KAT6A: variants seen among roughly 807,000 people sequenced by gnomAD.
KAT6A encodes the protein lysine acetyltransferase 6A, also known as histone acetyltransferase KAT6A.
Under a neutral mutation model 198.4 loss-of-function variants are expected in KAT6A, and 9 were observed. The ratio of observed to expected loss-of-function variants is 0.05; its 90% CI spans 0.03 to 0.08. The LOEUF is 0.08. Among genes scored for constraint, KAT6A ranks in the 10% least tolerant of loss-of-function variants. KAT6A has a pLI of 1.00. For missense variants in KAT6A, 2,077 were observed against 2,509.9 expected (o/e 0.83, Z 3.69); for synonymous variants, 890 against 883.0 (o/e 1.01, Z -0.14).
chr8:41,963,301 T>A (rs903248042), intron 8 of KAT6A, among the ~76,000 whole-genome samples: 2 of 152,206 alleles, frequency 1.3e-5, no homozygotes, highest in African/African-American at 4.8e-5. Flanking sequence ...TATATACATG[T>A]ACACAACCAT....
intron 8 of KAT6A, among the ~76,000 whole-genome samples, chr8:41,964,215 C>T (rs1319297699): frequency 1.3e-5 from 2 of 152,118 alleles, no homozygotes; most frequent in African/African-American, 4.8e-5. Context: ...AACAATCCTT[C>T]TAATGTTTCC....
chr8:41,974,882 A>AAAATTTCAGGTCAT, intron 7 of KAT6A, 60 bp from the exon 8 acceptor site: 3 of 1,006,378 alleles, frequency 3.0e-6, no homozygotes, highest in Non-Finnish European at 4.5e-6. Flanking sequence ...TGAACTAGAA[A>AAAATTTCAGGTCAT]AAATTTCAGG....
chr8:41,968,505 G>T (rs1295101068), intron 8 of KAT6A, among the ~76,000 whole-genome samples: 5 of 152,130 alleles, frequency 3.3e-5, no homozygotes, highest in African/African-American at 9.7e-5. Flanking sequence ...GGAGAAATAG[G>T]AACACTTTTA....
intron 2 of KAT6A, among the ~76,000 whole-genome samples, chr8:41,998,917 T>C (rs1443746175): frequency 2.0e-5 from 3 of 152,168 alleles, no homozygotes; most frequent in African/African-American, 2.4e-5. Flanking sequence ...TAACTTTCTA[T>C]AATTTTAATC....
At chr8:42,002,838 C>T (rs939185426) in intron 2 of KAT6A, among the ~76,000 whole-genome samples, 1 of 152,100 alleles carries the variant, frequency 6.6e-6, no homozygotes, top group African/African-American at 2.4e-5. Context: ...TACATCTTTA[C>T]TACTTTTTGG....
rs373027453 is a variant in KAT6A, at chr8:42,007,758, T to C, written c.601-20195A>G. On this transcript the variant is annotated intron_variant, in intron 2 of 16. Coordinates refer to ENST00000265713, the MANE Select transcript of KAT6A (RefSeq NM_006766.5). ...CGGGTGGATCACGAGGTCAGGAGAT[T>C]GAGAACACCCTGACTAACATGGTGA... 3.5e-4 allele frequency among the ~76,000 whole-genome samples: 53 copies of C among 151,922 alleles called. No individual in the cohort carries two copies. In the South Asian group the frequency reaches 0.011, roughly 31 times the overall value.
At chr8:41,994,447 G>A (rs972593042) in intron 2 of KAT6A, among the ~76,000 whole-genome samples, 4 of 151,946 alleles carry the variant, frequency 2.6e-5, no homozygotes, top group African/African-American at 9.7e-5. Context: ...GGTTTTCAAG[G>A]CAGTGGTTAC....
intron 2 of KAT6A, among the ~76,000 whole-genome samples, chr8:42,041,152 G>A (rs999369227): frequency 5.0e-5 from 7 of 139,604 alleles, no homozygotes; most frequent in African/African-American, 1.6e-4. Flanking sequence ...CCAAGGTTGC[G>A]CCACTGCACT....
Position 41,931,294 on chromosome 8 carries a change from C to G in KAT6A, c.*911G>C, listed in dbSNP as rs1332441809. 2 of 218,874 alleles carry G rather than the reference C, an allele frequency of 9.1e-6. No individual in the cohort carries two copies. Among genetic ancestry groups the G allele is most frequent in the African/African-American group, 2.3e-5 (1 of 44,418 alleles). 13.6% of individuals were successfully genotyped at this position (218,874 alleles called of 1,614,324 possible). On this transcript the variant is annotated 3_prime_UTR_variant, in exon 17 of 17. Transcript: ENST00000265713. ...GCGTGTGTGTGCGTTATGGCTGATT[C>G]ACCAGGTGGTAAAAAAACAAGAGGT...
In KAT6A at chr8:42,039,584, A is replaced by T. The variant is rs150422935; in HGVS notation, c.600+8794T>A. Reference sequence around the variant, plus strand: ...ATTTGCTCTCCTAGTATTAAACATAACAAAAAAGTATTGGCCCACAAGTCC... The same window carrying T: ...ATTTGCTCTCCTAGTATTAAACATATCAAAAAAGTATTGGCCCACAAGTCC... On this transcript the variant is annotated intron_variant, in intron 2 of 16. Coordinates refer to ENST00000265713, the MANE Select transcript of KAT6A (RefSeq NM_006766.5). 7.6e-4 allele frequency among the ~76,000 whole-genome samples: 116 copies of T among 152,358 alleles called. 1 individual carries two copies. The highest frequency in any genetic ancestry group is 3.4e-3 in the Middle Eastern group (1 of 294).
intron 15 of KAT6A, among the ~76,000 whole-genome samples, chr8:41,938,563 C>T (rs1472947778): frequency 1.3e-5 from 2 of 152,124 alleles, no homozygotes; most frequent in African/African-American, 4.8e-5. Context: ...ATGAAATATA[C>T]AAGATGAACT....
rs1170285848 is a variant in KAT6A at position 41,929,676 on chromosome 8, A to G, written c.*2529T>C. 1.5e-5 allele frequency: 3 copies of G among 194,274 alleles called. No individual in the cohort carries two copies. Among genetic ancestry groups the G allele is most frequent in the Admixed American group, 1.2e-4 (2 of 16,370 alleles). 12.0% of individuals were successfully genotyped at this position (194,274 alleles called of 1,614,324 possible). ...CCTTAGCTTACAAGTCACCATGAACAAAGTACAAAGAGGTTACAAAACAGG... is the reference window on the plus strand; with the variant it reads ...CCTTAGCTTACAAGTCACCATGAACGAAGTACAAAGAGGTTACAAAACAGG... On this transcript the variant is annotated 3_prime_UTR_variant, in exon 17 of 17. Coordinates refer to ENST00000265713, the MANE Select transcript of KAT6A (RefSeq NM_006766.5).
intron 2 of KAT6A, among the ~76,000 whole-genome samples, chr8:42,017,676 G>A (rs1425437563): frequency 6.6e-6 from 1 of 152,172 alleles, no homozygotes; most frequent in Non-Finnish European, 1.5e-5. Flanking sequence ...CATGGCAAGA[G>A]ATGAAGTTGC....
At chr8:41,977,571 T>C in intron 6 of KAT6A, 1 of 384,200 alleles carries the variant, frequency 2.6e-6, no homozygotes, top group Non-Finnish European at 4.6e-6. Context: ...GAAGACTTGT[T>C]CTAGTCATAA....
chr8:41,930,191 T>A lies in KAT6A; in HGVS notation c.*2014A>T, dbSNP rs1587702485. The stretch of plus-strand genomic sequence containing the variant: ...ACAGAAACTGATTTCACGGCCCTCA[T>A]TTCAACAGCTTCTCCTTCTGCCTTG... On this transcript the variant is annotated 3_prime_UTR_variant, in exon 17 of 17. Transcript: ENST00000265713. 1 of 93,512 alleles carries A rather than the reference T, an allele frequency of 1.1e-5. No homozygotes were observed. Among genetic ancestry groups the A allele is most frequent in the African/African-American group, 3.7e-5 (1 of 27,294 alleles). 5.8% of individuals were successfully genotyped at this position (93,512 alleles called of 1,614,324 possible). A position where few individuals can be genotyped will look rare whatever the true frequency, so the allele number is the denominator to read the frequency against.
At chr8:42,016,546 A>G (rs896372883) in intron 2 of KAT6A, among the ~76,000 whole-genome samples, 1 of 152,216 alleles carries the variant, frequency 6.6e-6, no homozygotes, top group Non-Finnish European at 1.5e-5. Flanking sequence ...CATAAACATA[A>G]AACAGGTTGA....
intron 2 of KAT6A, among the ~76,000 whole-genome samples, chr8:42,027,827 G>A (rs955475562): frequency 6.6e-6 from 1 of 151,900 alleles, no homozygotes; most frequent in Non-Finnish European, 1.5e-5. Flanking sequence ...TGAGGATTTA[G>A]TTTGTTCTTA....
At chr8:41,998,442 C>G (rs1482374795) in intron 2 of KAT6A, among the ~76,000 whole-genome samples, 1 of 152,002 alleles carries the variant, frequency 6.6e-6, no homozygotes, top group Admixed American at 6.6e-5. Flanking sequence ...TCAATTTTAC[C>G]AAGTTTTTCA....
intron 2 of KAT6A, among the ~76,000 whole-genome samples, chr8:41,995,602 A>T (rs1291359240): frequency 1.3e-5 from 2 of 152,188 alleles, no homozygotes; most frequent in African/African-American, 4.8e-5. Flanking sequence ...GAATATCTTA[A>T]ATAATGACAT....
Sources: gnomAD v4.1 joint callset for allele counts (sites outside exome capture counted in the v4.1 genomes callset) on GRCh38, gnomAD v4.1.1 for gene constraint, MANE v1.5 for transcripts, NCBI Gene and HGNC (gene_info 2026-07-23, HGNC 2026-07-21) for gene names.